The following PTPRT variants were observed in gnomAD, a reference collection of about 807,000 sequenced individuals.
The protein encoded by PTPRT is protein tyrosine phosphatase receptor type T, also known as receptor-type tyrosine-protein phosphatase T.
In PTPRT, 56 loss-of-function variants were observed where a neutral mutation model predicts 176.8. The observed-to-expected ratio is 0.32, with a 90% confidence interval of 0.26 to 0.40. The LOEUF (loss-of-function observed/expected upper bound fraction) is 0.40, where lower values mean the gene tolerates loss of function less well. Ranked by LOEUF, PTPRT falls within the 10% of genes least tolerant of loss-of-function variation. PTPRT has a pLI of 1.00. For missense variants in PTPRT, 1,540 were observed against 1,908.2 expected (o/e 0.81, Z 3.60); for synonymous variants, 783 against 739.0 (o/e 1.06, Z -0.96).
intron 9 of PTPRT, among the ~76,000 whole-genome samples, chr20:42,422,883 T>G (rs2059131478): frequency 6.6e-6 from 1 of 152,196 alleles, no homozygotes. Flanking sequence ...AATGAGATCA[T>G]GTTCTTTGTA....
intron 2 of PTPRT, among the ~76,000 whole-genome samples, chr20:42,831,985 T>C (rs1378398733): frequency 6.6e-6 from 1 of 152,186 alleles, no homozygotes; most frequent in Non-Finnish European, 1.5e-5. Flanking sequence ...CTCAAAGAGC[T>C]AAAAAGAGAA....
rs145733910 is a variant in PTPRT at position 42,526,486 on chromosome 20, A to T, written c.1154-53924T>A. The stretch of plus-strand genomic sequence containing the variant: ...CTTCACTCCTAATGGAAGCAAGATC[A>T]TACTTTATCCTCTGCTTGATACTTC... On this transcript the variant is annotated intron_variant, in intron 7 of 30. Coordinates refer to ENST00000373187, the MANE Select transcript of PTPRT (RefSeq NM_007050.6). 1.6e-3 allele frequency among the ~76,000 whole-genome samples: 245 copies of T among 152,266 alleles called. 1 individual carries two copies. Among genetic ancestry groups the T allele is most frequent in the Non-Finnish European group, 2.1e-3 (146 of 68,016 alleles).
chr20:42,822,061 T>C (rs113950452), intron 2 of PTPRT, among the ~76,000 whole-genome samples: 56 of 152,248 alleles, frequency 3.7e-4, no homozygotes, highest in African/African-American at 1.3e-3. Flanking sequence ...AAAAATAGTT[T>C]TAAATTTCAT....
At chr20:43,085,540 TCA>T (rs1350543766) in intron 1 of PTPRT, among the ~76,000 whole-genome samples, 2 of 152,130 alleles carry the variant, frequency 1.3e-5, no homozygotes, top group African/African-American at 4.8e-5. Context: ...TTTAATTGAC[TCA>T]CAGTTCCACA....
At chr20:42,905,983 G>A (rs1337046373) in intron 1 of PTPRT, among the ~76,000 whole-genome samples, 1 of 152,040 alleles carries the variant, frequency 6.6e-6, no homozygotes, top group East Asian at 1.9e-4. Context: ...GAGTTGATGG[G>A]TGCAGCAAAC....
intron 2 of PTPRT, among the ~76,000 whole-genome samples, chr20:42,843,338 T>C (rs1191435301): frequency 6.6e-6 from 1 of 152,186 alleles, no homozygotes; most frequent in Non-Finnish European, 1.5e-5. Context: ...GTTCTGCAGT[T>C]CCCTTGGGGA....
intron 7 of PTPRT, among the ~76,000 whole-genome samples, chr20:42,582,500 G>A (rs1305553376): frequency 1.3e-5 from 2 of 152,190 alleles, no homozygotes; most frequent in Non-Finnish European, 2.9e-5. Flanking sequence ...TCAAGGGGGT[G>A]AGTCCGCCTG....
At chr20:42,515,814 T>C (rs141627063) in intron 7 of PTPRT, among the ~76,000 whole-genome samples, 2,824 of 151,542 alleles carry the variant, frequency 0.019, 99 homozygotes, top group African/African-American at 0.065. Context: ...CGTATGTTTA[T>C]TGCGGCATTA....
At chr20:42,246,170 G>T (rs545427037) in intron 14 of PTPRT, among the ~76,000 whole-genome samples, 1 of 152,088 alleles carries the variant, frequency 6.6e-6, no homozygotes, top group Admixed American at 6.6e-5. Context: ...GCAGCTGGGG[G>T]GTAGCTGGGG....
rs1395186360 is a variant in PTPRT at position 42,350,803 on chromosome 20, C to T, written c.1763-73G>A. ...CTGGCTCCCCACCGCCCCTTGCTGC[C>T]ATCCTTAAAGACACAGCATGGATAG... is the stretch of plus-strand genomic sequence containing the variant. On this transcript the variant is annotated intron_variant, in intron 10 of 30. Transcript: ENST00000373187. 9.8e-6 allele frequency: 11 copies of T among 1,123,656 alleles called. No individual in the cohort carries two copies. In the Admixed American group the frequency reaches 1.9e-4, roughly 19 times the overall value. 69.6% of individuals were successfully genotyped at this position (1,123,656 alleles called of 1,614,324 possible).
intron 1 of PTPRT, among the ~76,000 whole-genome samples, chr20:43,071,646 G>A (rs184044406): frequency 3.0e-4 from 45 of 151,370 alleles, no homozygotes; most frequent in African/African-American, 9.1e-4. Context: ...TTAGCTGGGC[G>A]TGGTGGCACA....
intron 1 of PTPRT, among the ~76,000 whole-genome samples, chr20:43,031,902 T>C (rs1189686320): frequency 1.3e-5 from 2 of 152,154 alleles, no homozygotes; most frequent in Admixed American, 6.5e-5. Flanking sequence ...ATTAGGTAAC[T>C]GTACTCCCCA....
chr20:43,018,066 T>C (rs1985458026), intron 1 of PTPRT, among the ~76,000 whole-genome samples: 1 of 152,230 alleles, frequency 6.6e-6, no homozygotes, highest in African/African-American at 2.4e-5. Flanking sequence ...TTTCCTATTC[T>C]GCAACTGAAG....
intron 18 of PTPRT, among the ~76,000 whole-genome samples, chr20:42,136,488 G>A (rs1016770642): frequency 6.6e-6 from 1 of 152,062 alleles, no homozygotes; most frequent in Non-Finnish European, 1.5e-5. Flanking sequence ...GAGACAGCCC[G>A]ACATTCTGTG....
chr20:42,601,788 T>C (rs1437383558), intron 7 of PTPRT, among the ~76,000 whole-genome samples: 1 of 152,214 alleles, frequency 6.6e-6, no homozygotes, highest in Non-Finnish European at 1.5e-5. Context: ...CATCATGACC[T>C]TAGTTTTCTC....
intron 7 of PTPRT, among the ~76,000 whole-genome samples, chr20:42,613,124 C>T (rs1245965695): frequency 2.0e-5 from 3 of 152,212 alleles, no homozygotes; most frequent in Admixed American, 2.0e-4. Context: ...TTCTGCTCAA[C>T]AGTCTATTCA....
intron 23 of PTPRT, 85 bp downstream of exon 23, chr20:42,110,248 C>T (rs2146289380): frequency 7.7e-7 from 1 of 1,298,220 alleles, no homozygotes; most frequent in Non-Finnish European, 1.0e-6. Flanking sequence ...GACGAGGTTT[C>T]ACCACGTTGG....
intron 15 of PTPRT, among the ~76,000 whole-genome samples, chr20:42,222,009 T>C (rs2055898210): frequency 2.0e-5 from 3 of 152,130 alleles, no homozygotes; most frequent in African/African-American, 7.2e-5. Flanking sequence ...GGTTTTCATC[T>C]TTTCTATTGT....
chr20:42,676,722 C>T (rs1212524548), intron 7 of PTPRT, among the ~76,000 whole-genome samples: 1 of 152,102 alleles, frequency 6.6e-6, no homozygotes, highest in Non-Finnish European at 1.5e-5. Context: ...TAAGTACTTA[C>T]AGCAAAAGTT....
Sources: allele counts gnomAD v4.1 joint callset (sites outside exome capture counted in the v4.1 genomes callset), GRCh38; gene constraint gnomAD v4.1.1; transcripts MANE v1.5; gene names NCBI Gene and HGNC (gene_info 2026-07-23, HGNC 2026-07-21).